Variants in NRF1 observed in about 807,000 individuals in gnomAD.
NRF1 encodes alpha palindromic-binding protein.
NRF1 carries 5 observed loss-of-function variants against 58.5 expected under a neutral mutation model. That is an observed-to-expected ratio of 0.09 (90% CI 0.04 to 0.18). The LOEUF (loss-of-function observed/expected upper bound fraction) is 0.18. Ranked by LOEUF, NRF1 falls within the 10% of genes least tolerant of loss-of-function variation. The pLI is 1.00. For missense variants in NRF1, 288 were observed against 657.7 expected, an observed-to-expected ratio of 0.44 and a Z score of 6.15; for synonymous variants, 224 against 246.7, an observed-to-expected ratio of 0.91 and a Z score of 0.86.
chr7:129,714,152 C>T (rs1278729201), intron 8 of NRF1, among the ~76,000 whole-genome samples: 2 of 152,152 alleles, frequency 1.3e-5, no homozygotes, highest in African/African-American at 2.4e-5. Flanking sequence ...GATCACCTGC[C>T]GTGTTTCTGA....
intron 10 of NRF1, among the ~76,000 whole-genome samples, chr7:129,734,654 A>T (rs560467666): frequency 6.6e-6 from 1 of 152,290 alleles, no homozygotes; most frequent in African/African-American, 2.4e-5. Flanking sequence ...ACAGGTCTGT[A>T]TGCTTCTCCG....
intron 3 of NRF1, 44 bp downstream of exon 3, chr7:129,671,587 TC>T: frequency 1.9e-6 from 2 of 1,054,662 alleles, no homozygotes; most frequent in African/African-American, 1.5e-5. Context: ...CTCAAATACT[TC>T]CTGTGGATGA....
At chr7:129,728,073 C>A (rs939608177) in intron 10 of NRF1, among the ~76,000 whole-genome samples, 1 of 152,152 alleles carries the variant, frequency 6.6e-6, no homozygotes, top group Non-Finnish European at 1.5e-5. Flanking sequence ...GCAAGACAAG[C>A]TGCCCAAGGA....
At position 129,751,420 on chromosome 7, in the gene NRF1, A is replaced by AT. The variant is rs1804112828; in HGVS notation, c.1349-3593dup. 4.6e-5 allele frequency among the ~76,000 whole-genome samples: 7 copies of AT among 152,162 alleles called. No homozygotes were observed. In the South Asian group the frequency reaches 1.4e-3, roughly 31 times the overall value. ...GATGGCAGTATCAGCCAATAGATAG[A>AT]TTTTTGCATTAGAACCTTGCTTCAT... On this transcript the variant is annotated intron_variant, in intron 10 of 10. Transcript: ENST00000393232.
chr7:129,656,783 G>A (rs1801667173), intron 1 of NRF1, among the ~76,000 whole-genome samples: 1 of 152,056 alleles, frequency 6.6e-6, no homozygotes, highest in Non-Finnish European at 1.5e-5. Flanking sequence ...TGCCATGTTG[G>A]CCAGGCTGGT....
intron 1 of NRF1, among the ~76,000 whole-genome samples, chr7:129,644,374 A>G (rs1357938637): frequency 8.0e-6 from 1 of 125,174 alleles, no homozygotes; most frequent in Non-Finnish European, 1.7e-5. Flanking sequence ...TTCTGTCTCT[A>G]TAGTGCTGAA....
At chr7:129,612,554 C>G (rs1370894539) in intron 1 of NRF1, among the ~76,000 whole-genome samples, 1 of 152,178 alleles carries the variant, frequency 6.6e-6, no homozygotes, top group Non-Finnish European at 1.5e-5. Context: ...TAAGGAGCGA[C>G]ATTGTGTTTT....
At chr7:129,625,450 A>T (rs561516784) in intron 1 of NRF1, among the ~76,000 whole-genome samples, 1 of 152,182 alleles carries the variant, frequency 6.6e-6, no homozygotes, top group African/African-American at 2.4e-5. Flanking sequence ...TGAGCATGTT[A>T]TTTAACTTTT....
At chr7:129,698,741 T>A (rs576182649) in intron 5 of NRF1, among the ~76,000 whole-genome samples, 73 of 152,330 alleles carry the variant, frequency 4.8e-4, no homozygotes, top group African/African-American at 1.6e-3. Context: ...GGCCTGAGGT[T>A]CTGCCTTGCT....
In NRF1 at chr7:129,655,466, C is replaced by G. The variant is rs149365735; in HGVS notation, c.-6-1880C>G. 4.6e-5 allele frequency among the ~76,000 whole-genome samples: 7 copies of G among 152,050 alleles called. No individual in the cohort carries two copies. The East Asian group carries it at 1.4e-3, about 29-fold the overall frequency. ...AATCTTATTGCATTAGTTAAGACTT[C>G]CAGTACAATGTTAAAAAGAAGTGGT... On this transcript the variant is annotated intron_variant, in intron 1 of 10. Coordinates refer to ENST00000393232, the MANE Select transcript of NRF1 (RefSeq NM_005011.5).
chr7:129,750,882 G>A (rs1804099263), intron 10 of NRF1, among the ~76,000 whole-genome samples: 1 of 152,202 alleles, frequency 6.6e-6, no homozygotes, highest in Non-Finnish European at 1.5e-5. Context: ...TAATCACGCA[G>A]TCCCTAGAAG....
At chr7:129,693,506 C>T (rs767938006) in intron 5 of NRF1, among the ~76,000 whole-genome samples, 11 of 152,000 alleles carry the variant, frequency 7.2e-5, no homozygotes, top group Non-Finnish European at 1.3e-4. Context: ...AACACAAATT[C>T]GTAAACTTTC....
intron 9 of NRF1, among the ~76,000 whole-genome samples, chr7:129,720,972 T>G (rs559318486): frequency 1.3e-5 from 2 of 151,862 alleles, no homozygotes; most frequent in Non-Finnish European, 2.9e-5. Flanking sequence ...TTAAAAAAAT[T>G]TGTGTGTGTA....
At chr7:129,650,129 T>TA (rs1410935362) in intron 1 of NRF1, among the ~76,000 whole-genome samples, 2 of 152,082 alleles carry the variant, frequency 1.3e-5, no homozygotes, top group African/African-American at 4.8e-5. Flanking sequence ...GTAAAATTGT[T>TA]ACCATGTTAA....
intron 1 of NRF1, among the ~76,000 whole-genome samples, chr7:129,639,324 T>C (rs925152947): frequency 5.9e-5 from 9 of 152,198 alleles, no homozygotes; most frequent in Non-Finnish European, 1.2e-4. Context: ...TGATCTTGAC[T>C]CTTCCATATA....
At chr7:129,669,453 G>A (rs985353454) in intron 2 of NRF1, among the ~76,000 whole-genome samples, 1 of 152,194 alleles carries the variant, frequency 6.6e-6, no homozygotes, top group Non-Finnish European at 1.5e-5. Flanking sequence ...AAACCCCAGT[G>A]TGAGTTGATG....
At chr7:129,638,241 T>C (rs1330237584) in intron 1 of NRF1, among the ~76,000 whole-genome samples, 1 of 152,232 alleles carries the variant, frequency 6.6e-6, no homozygotes, top group Non-Finnish European at 1.5e-5. Context: ...ATTGCCCTTT[T>C]CTTTCAGACA....
chr7:129,658,481 G>T (rs1801708305), intron 2 of NRF1, among the ~76,000 whole-genome samples: 1 of 151,944 alleles, frequency 6.6e-6, no homozygotes, highest in East Asian at 1.9e-4. Context: ...CAGCTACTTG[G>T]GAGGCTGTGG....
chr7:129,666,707 T>G (rs1351557747), intron 2 of NRF1, among the ~76,000 whole-genome samples: 2 of 152,140 alleles, frequency 1.3e-5, no homozygotes, highest in African/African-American at 4.8e-5. Context: ...AATTTTTGTA[T>G]TTTTAGTAGA....
Sources: allele counts gnomAD v4.1 joint callset (sites outside exome capture counted in the v4.1 genomes callset), GRCh38; gene constraint gnomAD v4.1.1; transcripts MANE v1.5; gene names NCBI Gene and HGNC (gene_info 2026-07-23, HGNC 2026-07-21).